Variants in ZNF786 observed in about 807,000 individuals in gnomAD.
ZNF786 encodes the protein zinc finger protein 786.
A neutral mutation model predicts 63.1 loss-of-function variants in ZNF786; 56 were observed. That is an observed-to-expected ratio of 0.89 (90% CI 0.72 to 1.11). ZNF786 has a LOEUF of 1.11. Ranked by LOEUF, ZNF786 falls within the 50% of genes least tolerant of loss-of-function variation. The probability of loss-of-function intolerance (pLI) is 0.00; values close to 1 mark genes in which losing one functional copy is unlikely to be tolerated. For missense variants in ZNF786, 1,213 were observed against 1,041.8 expected, an observed-to-expected ratio of 1.16 and a Z score of -2.26; for synonymous variants, 485 against 406.9, an observed-to-expected ratio of 1.19 and a Z score of -2.31.
intron 1 of ZNF786, 141 bp from the exon 2 acceptor site, chr7:149,080,858 T>C (rs1380421121): frequency 2.2e-6 from 2 of 918,196 alleles, no homozygotes; most frequent in Non-Finnish European, 1.6e-6. Context: ...GAACTACTCC[T>C]TCCTCTACTC....
chr7:149,081,754 A>G (rs926034088), intron 1 of ZNF786, among the ~76,000 whole-genome samples: 9 of 152,204 alleles, frequency 5.9e-5, no homozygotes, highest in Non-Finnish European at 1.0e-4. Context: ...TCCTAGCCAC[A>G]GCAATCAAGC....
chr7:149,072,535 C>G, intron 3 of ZNF786, 62 bp from the exon 4 acceptor site: 1 of 1,470,050 alleles, frequency 6.8e-7, no homozygotes, highest in Non-Finnish European at 9.0e-7. Flanking sequence ...GCGATTCTCA[C>G]AGTCAAGTGA....
At chr7:149,076,872 T>G (rs1563138389) in intron 2 of ZNF786, among the ~76,000 whole-genome samples, 1 of 152,180 alleles carries the variant, frequency 6.6e-6, no homozygotes, top group Non-Finnish European at 1.5e-5. Context: ...TCACAGTCTG[T>G]CTTTTTCTTC....
chr7:149,082,950 C>G (rs779544212), intron 1 of ZNF786, among the ~76,000 whole-genome samples: 20 of 151,276 alleles, frequency 1.3e-4, no homozygotes, highest in Non-Finnish European at 2.9e-4. Flanking sequence ...GGCTGGAGTG[C>G]AGTGGCGTGA....
intron 3 of ZNF786, among the ~76,000 whole-genome samples, chr7:149,073,690 CATATGTAT>C (rs1825474438): frequency 8.0e-6 from 1 of 125,172 alleles, no homozygotes; most frequent in Non-Finnish European, 1.7e-5. Context: ...CATTTATATA[CATATGTAT>C]ATACACGTGT....
chr7:149,079,663 C>CG (rs1825619203), intron 2 of ZNF786, among the ~76,000 whole-genome samples: 1 of 147,786 alleles, frequency 6.8e-6, no homozygotes. Context: ...CCCCGCCTCC[C>CG]AGGTTCAAGT....
In ZNF786 at chr7:149,070,407, G is replaced by A. The variant is rs374289497; in HGVS notation, c.*16C>T. 1,419 of 1,608,684 alleles carry A rather than the reference G, an allele frequency of 8.8e-4. 3 individuals are homozygous for A. Among genetic ancestry groups the A allele is most frequent in the Middle Eastern group, 1.7e-3 (10 of 5,982 alleles). ...AATACCAATCCTGCTCAACGCTTTGGATGTCCCACTCTGCCTCAACTCCAA... is the reference window on the plus strand; with the variant it reads ...AATACCAATCCTGCTCAACGCTTTGAATGTCCCACTCTGCCTCAACTCCAA... On this transcript the variant is annotated 3_prime_UTR_variant, in exon 4 of 4. Coordinates refer to ENST00000491431, the MANE Select transcript of ZNF786 (RefSeq NM_152411.4).
intron 1 of ZNF786, among the ~76,000 whole-genome samples, chr7:149,090,391 C>G (rs1234296354): frequency 6.6e-6 from 1 of 152,198 alleles, no homozygotes; most frequent in South Asian, 2.1e-4. Context: ...AGGTCGGCCT[C>G]GGTCCACGCT....
rs1825448216 is a variant in ZNF786, at chr7:149,072,465, G to T, written c.307C>A (p.Gln103Lys). The change falls in exon 4 of 4, where the codon CAG becomes AAG. Residue 103 changes from glutamine (Q) to lysine (K), a missense_variant. Gln to Lys is a moderately conservative substitution (Grantham distance 53, BLOSUM62 1). Transcript: ENST00000491431. ...FEEQLFWGSQ[Q>K]AMNSGKTKSH... is the part of the protein sequence containing the mutation. ...TTAGTTTTTCCTGAATTCATAGCCT[G>T]CTGGCTTCCTGCAATTGAAAACAAA... 3.8e-6 allele frequency: 6 copies of T among 1,581,718 alleles called. No homozygotes were observed. The highest frequency in any genetic ancestry group is 5.1e-6 in the Non-Finnish European group (6 of 1,166,650).
At chr7:149,087,402 C>T (rs539354932) in intron 1 of ZNF786, among the ~76,000 whole-genome samples, 4 of 152,224 alleles carry the variant, frequency 2.6e-5, no homozygotes, top group Non-Finnish European at 4.4e-5. Context: ...TGTCCCCTGG[C>T]AACATTTTTT....
intron 1 of ZNF786, chr7:149,082,593 T>G (rs1585469045): frequency 9.6e-6 from 6 of 626,952 alleles, no homozygotes; most frequent in Non-Finnish European, 1.2e-5. Context: ...AAATTTTTTT[T>G]TTTTTTGAGA....
At chr7:149,080,742 T>C in intron 1 of ZNF786, 25 bp from the exon 2 acceptor site, 1 of 1,580,600 alleles carries the variant, frequency 6.3e-7, no homozygotes, top group South Asian at 1.2e-5. Context: ...ATAAGACATA[T>C]GCATTCATGG....
intron 3 of ZNF786, 127 bp from the exon 4 acceptor site, chr7:149,072,600 A>G (rs1044953122): frequency 1.4e-5 from 15 of 1,052,600 alleles, no homozygotes; most frequent in Non-Finnish European, 1.7e-5. Flanking sequence ...GAGCTACCCA[A>G]CCATGCAGTG....
At chr7:149,077,315 T>C (rs529587608) in intron 2 of ZNF786, among the ~76,000 whole-genome samples, 1 of 152,272 alleles carries the variant, frequency 6.6e-6, no homozygotes, top group South Asian at 2.1e-4. Flanking sequence ...GAAAGATCCA[T>C]GTAACTGACT....
chr7:149,070,960 C>T lies in ZNF786; in HGVS notation c.1812G>A (p.Leu604=), dbSNP rs1825398676. ...QCPECNRSFR[L]KGQLLSHQRL... Reference sequence around the variant, plus strand: ...GCTGATGGCTGAGCAGCTGCCCCTTCAGGCGGAAGCTCCTGTTGCACTCTG... The same window carrying T: ...GCTGATGGCTGAGCAGCTGCCCCTTTAGGCGGAAGCTCCTGTTGCACTCTG... Residue 604 remains leucine (L), a synonymous_variant, in exon 4 of 4, where the codon CTG becomes CTA. Transcript: ENST00000491431. The T allele has an allele frequency of 6.2e-7, 1 of 1,613,272 alleles. No individual in the cohort carries two copies. Among genetic ancestry groups the T allele is most frequent in the African/African-American group, 1.3e-5 (1 of 74,894 alleles).
chr7:149,074,412 G>C lies in ZNF786; in HGVS notation c.272C>G (p.Pro91Arg), dbSNP rs765141990. The change falls in exon 3 of 4, where the codon CCA becomes CGA. Residue 91 changes from proline (P) to arginine (R), a missense_variant. Coordinates refer to ENST00000491431, the MANE Select transcript of ZNF786 (RefSeq NM_152411.4). ...ICSSVDMHFD[P>R]GFEEQLFWGS... ...CCAAAACAGCTGTTCCTCAAAACCT[G>C]GATCAAAATGCATATCAACAGAGGA... 1.2e-6 allele frequency: 2 copies of C among 1,613,676 alleles called. No homozygotes were observed. Among genetic ancestry groups the C allele is most frequent in the Non-Finnish European group, 1.7e-6 (2 of 1,179,766 alleles).
rs1293280910 is a variant in ZNF786 at position 149,071,696 on chromosome 7, T to C, written c.1076A>G (p.Glu359Gly). 3 of 1,572,012 alleles carry C rather than the reference T, an allele frequency of 1.9e-6. No individual in the cohort carries two copies. Among genetic ancestry groups the C allele is most frequent in the Non-Finnish European group, 2.6e-6 (3 of 1,166,568 alleles). Residue 359 changes from glutamate to glycine, a missense_variant, in exon 4 of 4, where the codon GAG becomes GGG. By Grantham distance (98) the Glu-to-Gly change is moderately conservative (BLOSUM62 -2). Coordinates refer to ENST00000491431, the MANE Select transcript of ZNF786 (RefSeq NM_152411.4). ...CCCCTCTGCGCCATGCTGCAGCGCC[T>C]CCGTGTCCCCTTCCTGGTGGCTGTT... is the stretch of plus-strand genomic sequence containing the variant. Reference protein sequence around the residue: ...EGNSHQEGDTEALQHGAEGPC... With the variant: ...EGNSHQEGDTGALQHGAEGPC...
chr7:149,088,457 TA>T (rs1825772081), intron 1 of ZNF786, among the ~76,000 whole-genome samples: 1 of 152,382 alleles, frequency 6.6e-6, no homozygotes, highest in East Asian at 1.9e-4. Context: ...CTGTGGTTTT[TA>T]TTGCACAATT....
chr7:149,078,230 T>C (rs1328579132), intron 2 of ZNF786, among the ~76,000 whole-genome samples: 1 of 152,170 alleles, frequency 6.6e-6, no homozygotes, highest in Non-Finnish European at 1.5e-5. Flanking sequence ...TCTTGATGCT[T>C]GGAACATTCT....
Sources: allele counts gnomAD v4.1 joint callset (sites outside exome capture counted in the v4.1 genomes callset), GRCh38; gene constraint gnomAD v4.1.1; transcripts MANE v1.5; gene names NCBI Gene and HGNC (gene_info 2026-07-23, HGNC 2026-07-21).